RSRC1: variants seen among roughly 807,000 people sequenced by gnomAD.
RSRC1 encodes the protein arginine and serine rich coiled-coil 1.
RSRC1 carries 39 observed loss-of-function variants against 49.1 expected under a neutral mutation model. That is an observed-to-expected ratio of 0.79 (90% CI 0.61 to 1.04). RSRC1 has a LOEUF of 1.04. Ranked by LOEUF, RSRC1 falls within the 50% of genes least tolerant of loss-of-function variation. The pLI is 0.00. For synonymous variants in RSRC1, 143 were observed against 130.8 expected, an observed-to-expected ratio of 1.09 and a Z score of -0.63; for missense variants, 388 against 402.4, an observed-to-expected ratio of 0.96 and a Z score of 0.31.
intron 7 of RSRC1, among the ~76,000 whole-genome samples, chr3:158,525,676 T>C (rs757843662): frequency 5.3e-5 from 8 of 151,986 alleles, no homozygotes; most frequent in Non-Finnish European, 1.0e-4. Flanking sequence ...TGCAGGTGAA[T>C]AGATTTTAAA....
intron 7 of RSRC1, among the ~76,000 whole-genome samples, chr3:158,527,941 T>C (rs931420175): frequency 3.3e-5 from 5 of 151,852 alleles, no homozygotes; most frequent in African/African-American, 1.2e-4. Flanking sequence ...CAATATGAAT[T>C]TGTGAGATTT....
chr3:158,406,614 T>A (rs925578952), intron 6 of RSRC1, among the ~76,000 whole-genome samples: 5 of 152,048 alleles, frequency 3.3e-5, no homozygotes, highest in Non-Finnish European at 7.4e-5. Context: ...AATACGAAGA[T>A]CTGTTGATAA....
At chr3:158,122,460 G>T (rs549969642) in intron 2 of RSRC1, among the ~76,000 whole-genome samples, 162 bp downstream of exon 2, 1 of 152,074 alleles carries the variant, frequency 6.6e-6, no homozygotes, top group African/African-American at 2.4e-5. Context: ...GGTCCAGTCC[G>T]TGGGTCTAGT....
intron 7 of RSRC1, among the ~76,000 whole-genome samples, chr3:158,470,361 CAT>C (rs59508977): frequency 0.068 from 6,844 of 100,092 alleles, 173 homozygotes; most frequent in Middle Eastern, 0.12. Flanking sequence ...CACACACACA[CAT>C]ATATATATAT....
At chr3:158,445,800 A>T (rs1014187246) in intron 6 of RSRC1, among the ~76,000 whole-genome samples, 7 of 152,178 alleles carry the variant, frequency 4.6e-5, no homozygotes, top group African/African-American at 1.7e-4. Flanking sequence ...TTATGAAATT[A>T]AATCAGAACA....
intron 2 of RSRC1, 104 bp downstream of exon 2, chr3:158,122,402 A>G (rs1055706142): frequency 6.9e-5 from 60 of 869,402 alleles, no homozygotes; most frequent in Non-Finnish European, 9.4e-5. Context: ...TTCTTTTACT[A>G]GCTATATATT....
chr3:158,444,046 C>G (rs1560045225), intron 6 of RSRC1, among the ~76,000 whole-genome samples: 1 of 152,084 alleles, frequency 6.6e-6, no homozygotes, highest in Non-Finnish European at 1.5e-5. Context: ...GCAGTAGCAT[C>G]AAAAATCACT....
At chr3:158,180,464 G>C (rs1210785161) in intron 3 of RSRC1, among the ~76,000 whole-genome samples, 2 of 116,214 alleles carry the variant, frequency 1.7e-5, no homozygotes, top group Non-Finnish European at 3.4e-5. Flanking sequence ...GTGTCTGTGT[G>C]TGTGTAATTT....
At chr3:158,453,547 A>G (rs1039020969) in intron 6 of RSRC1, among the ~76,000 whole-genome samples, 1 of 151,820 alleles carries the variant, frequency 6.6e-6, no homozygotes, top group Non-Finnish European at 1.5e-5. Context: ...AGCCTGGCTA[A>G]TTTTAAAATA....
chr3:158,516,985 T>C (rs189625536), intron 7 of RSRC1, among the ~76,000 whole-genome samples: 5 of 152,284 alleles, frequency 3.3e-5, no homozygotes, highest in Admixed American at 6.5e-5. Flanking sequence ...CACTGACCTA[T>C]GCCCACTGTC....
At chr3:158,232,193 T>G (rs900653812) in intron 4 of RSRC1, among the ~76,000 whole-genome samples, 2 of 151,786 alleles carry the variant, frequency 1.3e-5, no homozygotes. Flanking sequence ...AAAATAGTAG[T>G]CTAAAATCTA....
intron 3 of RSRC1, among the ~76,000 whole-genome samples, chr3:158,147,579 T>C (rs1259211176): frequency 1.3e-5 from 2 of 152,140 alleles, no homozygotes; most frequent in African/African-American, 4.8e-5. Context: ...GTAGCAGTTT[T>C]CATTTTTTTG....
rs377332634 is a variant in RSRC1 at position 158,374,354 on chromosome 3, A to G, written c.583+19446A>G. On this transcript the variant is annotated intron_variant, in intron 6 of 9. Transcript: ENST00000611884. Reference sequence around the variant, plus strand: ...GATAAATTAATACAGGAACAGAGGTATAGAGTGAGACAAAAAGAAGATGAG... The same window carrying G: ...GATAAATTAATACAGGAACAGAGGTGTAGAGTGAGACAAAAAGAAGATGAG... 2.0e-5 allele frequency among the ~76,000 whole-genome samples: 3 copies of G among 152,172 alleles called. No individual in the cohort carries two copies. In the East Asian group the frequency reaches 5.8e-4, roughly 29 times the overall value.
At chr3:158,215,595 G>A (rs1050482986) in intron 4 of RSRC1, among the ~76,000 whole-genome samples, 1 of 151,314 alleles carries the variant, frequency 6.6e-6, no homozygotes, top group Non-Finnish European at 1.5e-5. Context: ...TGGGTTGTTT[G>A]GACATTTTTT....
intron 6 of RSRC1, among the ~76,000 whole-genome samples, chr3:158,437,366 T>G (rs1202775839): frequency 6.6e-6 from 1 of 152,074 alleles, no homozygotes; most frequent in African/African-American, 2.4e-5. Flanking sequence ...GGCTGAGTTT[T>G]GAGGAGGCAA....
Position 158,402,936 on chromosome 3 carries a change from A to T in RSRC1, c.583+48028A>T, listed in dbSNP as rs548719518. On this transcript the variant is annotated intron_variant, in intron 6 of 9. Coordinates refer to ENST00000611884, the MANE Select transcript of RSRC1 (RefSeq NM_001271838.2). ...ATGAGTTGTGCTGTCCAGCAGATACATTTACAATATTCAGCTGTTTGTAGG... is the reference window on the plus strand; with the variant it reads ...ATGAGTTGTGCTGTCCAGCAGATACTTTTACAATATTCAGCTGTTTGTAGG... Among the ~76,000 whole-genome samples the T allele has an allele frequency of 8.6e-5, 13 of 151,940 alleles. No homozygotes were observed. The South Asian group carries it at 2.7e-3, about 31-fold the overall frequency.
chr3:158,145,703 A>G (rs1249398647), intron 3 of RSRC1, among the ~76,000 whole-genome samples: 1 of 152,124 alleles, frequency 6.6e-6, no homozygotes, highest in Non-Finnish European at 1.5e-5. Flanking sequence ...ATGGCATTGA[A>G]TCTATAAATT....
At chr3:158,233,983 T>A (rs1723105004) in intron 4 of RSRC1, among the ~76,000 whole-genome samples, 2 of 152,186 alleles carry the variant, frequency 1.3e-5, no homozygotes, top group African/African-American at 4.8e-5. Flanking sequence ...AGATAGCTTT[T>A]GTCATCCCTT....
At position 158,391,194 on chromosome 3, in the gene RSRC1, A is replaced by C. The variant is rs188722926; in HGVS notation, c.583+36286A>C. On this transcript the variant is annotated intron_variant, in intron 6 of 9. Coordinates refer to ENST00000611884, the MANE Select transcript of RSRC1 (RefSeq NM_001271838.2). ...CCACCCTGGGGTTCTATCTTCCATA[A>C]TTTTTGGTTATTTTTTTCTTTGTAT... Among the ~76,000 whole-genome samples, 3 of 152,104 alleles carry C rather than the reference A, an allele frequency of 2.0e-5. No individual in the cohort carries two copies. The East Asian group carries it at 5.8e-4, about 29-fold the overall frequency.
Sources: gnomAD v4.1 joint callset for allele counts (sites outside exome capture counted in the v4.1 genomes callset) on GRCh38, gnomAD v4.1.1 for gene constraint, MANE v1.5 for transcripts, NCBI Gene and HGNC (gene_info 2026-07-23, HGNC 2026-07-21) for gene names.